Variants in CPNE5 observed in about 807,000 individuals in gnomAD.
CPNE5 encodes copine-5.
CPNE5 carries 42 observed loss-of-function variants against 81.1 expected under a neutral mutation model. That is an observed-to-expected ratio of 0.52 (90% CI 0.40 to 0.67). The LOEUF (loss-of-function observed/expected upper bound fraction) is 0.67. CPNE5 is among the 30% of genes least tolerant of loss of function. The probability of loss-of-function intolerance (pLI) is 0.00; values close to 1 mark genes in which losing one functional copy is unlikely to be tolerated. For missense variants in CPNE5, 612 were observed against 815.5 expected (o/e 0.75, Z 3.04); for synonymous variants, 313 against 321.5 (o/e 0.97, Z 0.28).
chr6:36,809,395 G>C (rs761872990), intron 3 of CPNE5, among the ~76,000 whole-genome samples: 8 of 152,100 alleles, frequency 5.3e-5, no homozygotes, highest in Non-Finnish European at 8.8e-5. Flanking sequence ...GGGCAACATA[G>C]TGAGATCCCA....
chr6:36,763,752 T>C (rs1766283379), intron 11 of CPNE5, among the ~76,000 whole-genome samples: 1 of 152,190 alleles, frequency 6.6e-6, no homozygotes, highest in South Asian at 2.1e-4. Context: ...TAAGCTACAT[T>C]AGCAAAACAT....
At chr6:36,748,192 C>G (rs757421974) in intron 15 of CPNE5, 29 bp downstream of exon 15, 5 of 1,610,892 alleles carry the variant, frequency 3.1e-6, no homozygotes, top group South Asian at 2.2e-5. Flanking sequence ...CTCCTCCCAC[C>G]CTGCTCCTCT....
chr6:36,799,122 C>G (rs1396224377), intron 4 of CPNE5, among the ~76,000 whole-genome samples: 3 of 152,210 alleles, frequency 2.0e-5, no homozygotes, highest in East Asian at 3.9e-4. Flanking sequence ...AACCTTCCCC[C>G]AGCATCTCCC....
chr6:36,756,168 G>A lies in CPNE5; in HGVS notation c.909+77C>T, dbSNP rs574309354. On this transcript the variant is annotated intron_variant, in intron 13 of 20. Coordinates refer to ENST00000244751, the MANE Select transcript of CPNE5 (RefSeq NM_020939.2). ...AGCCCCTGCACACACACAGACGCAC[G>A]GGCCTCCCTGATACCAGACCTAGCT... 9 of 1,047,308 alleles carry A rather than the reference G, an allele frequency of 8.6e-6. No individual in the cohort carries two copies. In the East Asian group the frequency reaches 1.9e-4, roughly 22 times the overall value. The allele number at this position is 1,047,308 out of a possible 1,614,324, so 64.9% of individuals were successfully genotyped here.
chr6:36,774,857 A>G, intron 10 of CPNE5, 104 bp downstream of exon 10: 6 of 865,330 alleles, frequency 6.9e-6, no homozygotes, highest in Non-Finnish European at 1.1e-5. Context: ...CCTCATTTCT[A>G]CTGATGGGAC....
intron 3 of CPNE5, among the ~76,000 whole-genome samples, chr6:36,819,819 TC>T (rs1390347293): frequency 6.6e-6 from 1 of 152,090 alleles, no homozygotes; most frequent in Non-Finnish European, 1.5e-5. Context: ...CCAGCCTCCC[TC>T]CCAGGAGTCA....
intron 3 of CPNE5, among the ~76,000 whole-genome samples, chr6:36,802,546 G>A (rs1422191525): frequency 6.6e-6 from 1 of 152,198 alleles, no homozygotes; most frequent in African/African-American, 2.4e-5. Context: ...GAGTCTCAAA[G>A]TAGTAAGACA....
Position 36,798,153 on chromosome 6 carries a change from C to G in CPNE5, c.404+12G>C, listed in dbSNP as rs1769766452. On this transcript the variant is annotated intron_variant, in intron 6 of 20. Transcript: ENST00000244751. ...GTTGGCCTACCACTGGGAAAGCAAC[C>G]CAGACACTCACGTGAGGGGCTTTTC... 1.2e-6 allele frequency: 2 copies of G among 1,611,732 alleles called. No individual in the cohort carries two copies. Among genetic ancestry groups the G allele is most frequent in the African/African-American group, 1.3e-5 (1 of 74,862 alleles).
At chr6:36,765,491 C>T (rs945417664) in intron 10 of CPNE5, 115 bp from the exon 11 acceptor site, 6 of 1,263,274 alleles carry the variant, frequency 4.7e-6, no homozygotes, top group Non-Finnish European at 5.6e-6. Flanking sequence ...CCTCTGGGCC[C>T]CAGGGCCCTG....
intron 6 of CPNE5, among the ~76,000 whole-genome samples, chr6:36,796,187 G>A (rs1561794654): frequency 6.6e-6 from 1 of 152,208 alleles, no homozygotes; most frequent in African/African-American, 2.4e-5. Context: ...GACCTCAGGT[G>A]ATCCACCCGC....
intron 10 of CPNE5, among the ~76,000 whole-genome samples, chr6:36,772,269 C>A (rs748775092): frequency 1.8e-4 from 27 of 152,118 alleles, no homozygotes; most frequent in Non-Finnish European, 3.5e-4. Flanking sequence ...TATTCCCGTG[C>A]CCCTGTCCCC....
In CPNE5 at chr6:36,792,072, G is replaced by A; in HGVS notation, c.489C>T (p.Gly163=). Residue 163 remains glycine (G), a synonymous_variant, in exon 8 of 21, where the codon GGC becomes GGT. Transcript: ENST00000244751. The stretch of plus-strand genomic sequence containing the variant: ...GCTCCTCAGCGGACAGGATGATGGT[G>A]CCACATTTCTTTCCTGGGACACCAC... The part of the protein sequence containing the change: ...SNGGVPGKKC[G]TIILSAEELS... 6.2e-7 allele frequency: 1 copy of A among 1,614,054 alleles called. No individual in the cohort carries two copies. The highest frequency in any genetic ancestry group is 8.5e-7 in the Non-Finnish European group (1 of 1,179,964).
chr6:36,751,362 C>T (rs1344905732), intron 14 of CPNE5, among the ~76,000 whole-genome samples: 1 of 152,254 alleles, frequency 6.6e-6, no homozygotes. Context: ...GAATGAAAGG[C>T]AGCATGTTAT....
chr6:36,779,956 T>G (rs2150470221), intron 8 of CPNE5, among the ~76,000 whole-genome samples: 2 of 142,356 alleles, frequency 1.4e-5, no homozygotes, highest in South Asian at 4.6e-4. Flanking sequence ...CCCTCACACA[T>G]CCCCCCTTCC....
intron 10 of CPNE5, among the ~76,000 whole-genome samples, chr6:36,769,695 G>A (rs960822366): frequency 1.3e-5 from 2 of 152,188 alleles, no homozygotes; most frequent in African/African-American, 4.8e-5. Context: ...GTTGCACTGC[G>A]CAACACCGGG....
intron 10 of CPNE5, among the ~76,000 whole-genome samples, chr6:36,772,124 T>C (rs1490451982): frequency 6.6e-6 from 1 of 152,068 alleles, no homozygotes. Context: ...TGGGAGCTCC[T>C]CTCTAGAGAT....
chr6:36,829,851 A>C (rs1448894520), intron 1 of CPNE5, among the ~76,000 whole-genome samples: 2 of 117,152 alleles, frequency 1.7e-5, no homozygotes, highest in South Asian at 5.4e-4. Flanking sequence ...TAGGAATTGC[A>C]AAAAAAAAAA....
chr6:36,799,515 G>T (rs1213079528), intron 4 of CPNE5, among the ~76,000 whole-genome samples: 1 of 152,128 alleles, frequency 6.6e-6, no homozygotes, highest in Non-Finnish European at 1.5e-5. Context: ...TGTTCCGACG[G>T]ATGCTGGATG....
intron 8 of CPNE5, among the ~76,000 whole-genome samples, chr6:36,787,579 G>A (rs1768680128): frequency 6.6e-6 from 1 of 152,150 alleles, no homozygotes; most frequent in Non-Finnish European, 1.5e-5. Flanking sequence ...CCAGGGCTGA[G>A]GACCACTGCT....
Sources: allele counts gnomAD v4.1 joint callset (sites outside exome capture counted in the v4.1 genomes callset), GRCh38; gene constraint gnomAD v4.1.1; transcripts MANE v1.5; gene names NCBI Gene and HGNC (gene_info 2026-07-23, HGNC 2026-07-21).